Variants in MAPK11 observed in about 807,000 individuals in gnomAD.
MAPK11 encodes the protein MAP kinase 11.
A neutral mutation model predicts 52.2 loss-of-function variants in MAPK11; 44 were observed. The ratio of observed to expected loss-of-function variants is 0.84; its 90% CI spans 0.66 to 1.08. The LOEUF is 1.08. Among genes scored for constraint, MAPK11 ranks in the 50% least tolerant of loss-of-function variants. The pLI is 0.00. For missense variants in MAPK11, 436 were observed against 494.7 expected, an observed-to-expected ratio of 0.88 and a Z score of 1.13; for synonymous variants, 233 against 206.3, an observed-to-expected ratio of 1.13 and a Z score of -1.11.
rs199882554 is a variant in MAPK11 at position 50,264,535 on chromosome 22, G to A, written c.*413C>T. 15 of 168,856 alleles carry A rather than the reference G, an allele frequency of 8.9e-5. No individual in the cohort carries two copies. Among genetic ancestry groups the A allele is most frequent in the Non-Finnish European group, 1.6e-4 (12 of 77,396 alleles). The allele number at this position is 168,856 out of a possible 1,614,324, so 10.5% of individuals were successfully genotyped here. A position where few individuals can be genotyped will look rare whatever the true frequency, so the allele number is the denominator to read the frequency against. On this transcript the variant is annotated 3_prime_UTR_variant, in exon 12 of 12. Transcript: ENST00000330651. The stretch of plus-strand genomic sequence containing the variant: ...TGAGACCTCTCCCTTTGAGTCTCCC[G>A]GGGTCCCGGCCCCAGCGCGTCCTCC...
intron 7 of MAPK11, 80 bp downstream of exon 7, chr22:50,266,854 C>T (rs774880540): frequency 2.2e-6 from 3 of 1,390,388 alleles, no homozygotes; most frequent in Non-Finnish European, 3.0e-6. Flanking sequence ...TTGCCTGCCC[C>T]CTAAGACCTG....
chr22:50,267,302 TGTG>T lies in MAPK11; in HGVS notation c.418-19_418-17del, dbSNP rs2065271170. 2 of 1,597,100 alleles carry T rather than the reference TGTG, an allele frequency of 1.3e-6. No individual in the cohort carries two copies. Among genetic ancestry groups the T allele is most frequent in the African/African-American group, 1.3e-5 (1 of 74,928 alleles). On this transcript the variant is annotated splice_polypyrimidine_tract_variant and intron_variant, in intron 4 of 11. Coordinates refer to ENST00000330651, the MANE Select transcript of MAPK11 (RefSeq NM_002751.7). ...AGTGGATGTACTGCGGGAGGGGGATTGTGGTGAGCGCCGGGCCCGGCCCGCCCG... is the reference window on the plus strand; with the variant it reads ...AGTGGATGTACTGCGGGAGGGGGATTGTGAGCGCCGGGCCCGGCCCGCCCG...
Position 50,265,315 on chromosome 22 carries a change from G to T in MAPK11, c.1015+6C>A, listed in dbSNP as rs776023647. 1.9e-6 allele frequency: 3 copies of T among 1,612,382 alleles called. No individual in the cohort carries two copies. The South Asian group carries it at 3.3e-5, about 18-fold the overall frequency. The stretch of plus-strand genomic sequence containing the variant: ...TGGACCCACCCCCAGCCACTGCCAT[G>T]CTCACCCTTCCACTCCTCCAGCGTG... On this transcript the variant is annotated splice_donor_region_variant and intron_variant, in intron 11 of 11. Coordinates refer to ENST00000330651, the MANE Select transcript of MAPK11 (RefSeq NM_002751.7).
In MAPK11 at chr22:50,270,055, G is replaced by A. The variant is rs1470429871; in HGVS notation, c.116+122C>T. The A allele has an allele frequency of 2.8e-6, 1 of 353,720 alleles. No individual in the cohort carries two copies. The allele number at this position is 353,720 out of a possible 1,614,324, so 21.9% of individuals were successfully genotyped here. On this transcript the variant is annotated intron_variant, in intron 1 of 11. Coordinates refer to ENST00000330651, the MANE Select transcript of MAPK11 (RefSeq NM_002751.7). The surrounding 1 kb of genome is among the most constrained non-coding windows in gnomAD (Gnocchi z 6.3). ...CATTCATTCCTCAGATCCGCTTGGCGCCCGGGGGCGGAGGCAGGGCGAGGC... is the reference window on the plus strand; with the variant it reads ...CATTCATTCCTCAGATCCGCTTGGCACCCGGGGGCGGAGGCAGGGCGAGGC...
At chr22:50,269,899 G>T (rs999532265) in intron 1 of MAPK11, among the ~76,000 whole-genome samples, 1 of 152,002 alleles carries the variant, frequency 6.6e-6, no homozygotes, top group African/African-American at 2.4e-5. Context: ...CCACCCTCAC[G>T]CCAGCTGTGA....
chr22:50,265,438 C>A lies in MAPK11; in HGVS notation c.898G>T (p.Ala300Ser). ...AAGTAGGCGTGGGCCAGTGCCTCAG[C>A]TGCACTGACCCTCTGGTCACTGTCC... ...VLDSDQRVSA[A>S]EALAHAYFSQ... The change falls in exon 11 of 12, where the codon GCT becomes TCT. Residue 300 changes from alanine to serine, a missense_variant. Ala to Ser is a moderately conservative substitution (Grantham distance 99, BLOSUM62 1). Transcript: ENST00000330651. 1 of 1,613,152 alleles carries A rather than the reference C, an allele frequency of 6.2e-7. No individual in the cohort carries two copies. Among genetic ancestry groups the A allele is most frequent in the Non-Finnish European group, 8.5e-7 (1 of 1,179,984 alleles).
At chr22:50,265,740 C>T (rs569535562) in intron 9 of MAPK11, 80 bp from the exon 10 acceptor site, 32 of 868,160 alleles carry the variant, frequency 3.7e-5, no homozygotes, top group Non-Finnish European at 5.6e-5. Context: ...TCTTGGCAAG[C>T]CCCCAGACTC....
Position 50,270,136 on chromosome 22 carries a change from G to T in MAPK11, c.116+41C>A. 1 of 1,110,536 alleles carries T rather than the reference G, an allele frequency of 9.0e-7. No homozygotes were observed. The highest frequency in any genetic ancestry group is 2.1e-5 in the South Asian group (1 of 48,374). The allele number at this position is 1,110,536 out of a possible 1,614,324, so 68.8% of individuals were successfully genotyped here. ...GAGGAGGGGACGCGCTCTCCGGCCCGGCCCGGCCCCCACCCAGCACCCCTT... is the reference window on the plus strand; with the variant it reads ...GAGGAGGGGACGCGCTCTCCGGCCCTGCCCGGCCCCCACCCAGCACCCCTT... On this transcript the variant is annotated intron_variant, in intron 1 of 11. Transcript: ENST00000330651. This position sits in a 1 kb window ranked among gnomAD's most constrained non-coding sequence, Gnocchi z 6.3.
In MAPK11 at chr22:50,264,177, C is replaced by G. The variant is rs1054903114; in HGVS notation, c.*771G>C. 6.6e-6 allele frequency: 1 copy of G among 152,186 alleles called. No homozygotes were observed. Among genetic ancestry groups the G allele is most frequent in the African/African-American group, 2.4e-5 (1 of 41,404 alleles). 9.4% of individuals were successfully genotyped at this position (152,186 alleles called of 1,614,324 possible). On this transcript the variant is annotated 3_prime_UTR_variant, in exon 12 of 12. Coordinates refer to ENST00000330651, the MANE Select transcript of MAPK11 (RefSeq NM_002751.7). ...CGCCAGTCTGAAACACCCCTCAAGG[C>G]ATCAGGAACCGAGGAGAGGGAAGGC...
chr22:50,266,560 G>A lies in MAPK11; in HGVS notation c.662C>T (p.Ala221Val). Reference sequence around the variant, plus strand: ...GATACAGTCGCTTCCCGGGAAGAGGGCCTTGCCCTGGAGCAGCTCAGCCAT... The same window carrying A: ...GATACAGTCGCTTCCCGGGAAGAGGACCTTGCCCTGGAGCAGCTCAGCCAT... ...CIMAELLQGKALFPGSDYIDQ... is the reference protein window; with the variant it reads ...CIMAELLQGKVLFPGSDYIDQ... The change falls in exon 8 of 12, where the codon GCC (alanine) becomes GTC (valine). Residue 221 changes from alanine (A) to valine (V), a missense_variant. Ala to Val is a moderately conservative substitution (Grantham distance 64, BLOSUM62 0). Transcript: ENST00000330651. 2.0e-6 allele frequency: 3 copies of A among 1,519,600 alleles called. No homozygotes were observed. The highest frequency in any genetic ancestry group is 2.6e-6 in the Non-Finnish European group (3 of 1,135,416). 94.1% of individuals were successfully genotyped at this position (1,519,600 alleles called of 1,614,324 possible).
chr22:50,267,097 G>A (rs2065269296), intron 6 of MAPK11, 30 bp downstream of exon 6: 2 of 1,610,816 alleles, frequency 1.2e-6, no homozygotes, highest in Middle Eastern at 1.6e-4. Context: ...CTCCGCCGCC[G>A]CCCTGCCCAC....
Position 50,264,749 on chromosome 22 carries a change from C to T in MAPK11, c.*199G>A. ...GCCCAGGGACACTTGTGCCCAGACT[C>T]CTACACATGGCAAGCACATGTACAC... is the stretch of plus-strand genomic sequence containing the variant. On this transcript the variant is annotated 3_prime_UTR_variant, in exon 12 of 12. Transcript: ENST00000330651. The T allele has an allele frequency of 1.8e-6, 1 of 554,970 alleles. No individual in the cohort carries two copies. The highest frequency in any genetic ancestry group is 2.1e-5 in the South Asian group (1 of 48,246). 34.4% of individuals were successfully genotyped at this position (554,970 alleles called of 1,614,324 possible).
Position 50,270,117 on chromosome 22 carries a change from G to C in MAPK11, c.116+60C>G. On this transcript the variant is annotated intron_variant, in intron 1 of 11. Coordinates refer to ENST00000330651, the MANE Select transcript of MAPK11 (RefSeq NM_002751.7). This position sits in a 1 kb window ranked among gnomAD's most constrained non-coding sequence, Gnocchi z 6.3. ...CCGAGAACCTCGCGCGGGCGAGGAG[G>C]GGACGCGCTCTCCGGCCCGGCCCGG... 1.1e-6 allele frequency: 1 copy of C among 899,844 alleles called. No individual in the cohort carries two copies. Among genetic ancestry groups the C allele is most frequent in the Non-Finnish European group, 1.5e-6 (1 of 661,304 alleles). The allele number at this position is 899,844 out of a possible 1,614,324, so 55.7% of individuals were successfully genotyped here. A position where few individuals can be genotyped will look rare whatever the true frequency, so the allele number is the denominator to read the frequency against.
rs771186644 is a variant in MAPK11 at position 50,267,243 on chromosome 22, G to A, written c.447+14C>T. ...CCCTGCTGGACCCGACCCTCACCCT[G>A]CGGTCGCACCTACCCGGTGGATGAT... On this transcript the variant is annotated intron_variant, in intron 5 of 11. Transcript: ENST00000330651. The A allele has an allele frequency of 1.2e-6, 2 of 1,607,904 alleles. No homozygotes were observed. The highest frequency in any genetic ancestry group is 2.2e-5 in the East Asian group (1 of 44,720).
chr22:50,264,813 GAA>G lies in MAPK11; in HGVS notation c.*133_*134del. 1.6e-6 allele frequency: 1 copy of G among 633,372 alleles called. No homozygotes were observed. The highest frequency in any genetic ancestry group is 2.0e-5 in the South Asian group (1 of 50,436). The allele number at this position is 633,372 out of a possible 1,614,324, so 39.2% of individuals were successfully genotyped here. On this transcript the variant is annotated 3_prime_UTR_variant, in exon 12 of 12. Transcript: ENST00000330651. ...TGCATACATGCGTGTAGATTCTCCTGAAGGCGAGGGGTCCTAGGCCAGAAGTC... is the reference window on the plus strand; with the variant it reads ...TGCATACATGCGTGTAGATTCTCCTGGGCGAGGGGTCCTAGGCCAGAAGTC...
Position 50,267,801 on chromosome 22 carries a change from C to A in MAPK11, c.246+19G>T. The A allele has an allele frequency of 6.6e-7, 1 of 1,521,668 alleles. No individual in the cohort carries two copies. The highest frequency in any genetic ancestry group is 2.7e-5 in the East Asian group (1 of 37,024). 94.3% of individuals were successfully genotyped at this position (1,521,668 alleles called of 1,614,324 possible). On this transcript the variant is annotated intron_variant, in intron 2 of 11. Transcript: ENST00000330651. Reference sequence around the variant, plus strand: ...CGCCCCCGCACGCGCCCTCCCCCCACGGCCCTCCCCCGGCTCACGTTCTCG... The same window carrying A: ...CGCCCCCGCACGCGCCCTCCCCCCAAGGCCCTCCCCCGGCTCACGTTCTCG...
rs557350792 is a variant in MAPK11, at chr22:50,268,839, C to T, written c.117-890G>A. Among the ~76,000 whole-genome samples the T allele has an allele frequency of 1.4e-4, 22 of 152,284 alleles. No individual in the cohort carries two copies. The South Asian group carries it at 2.3e-3, about 16-fold the overall frequency. ...CTGCTGGGTCTGGGATGCTCATGGG[C>T]GCAGGTCGAGGTGCCTGGGGCAGCC... On this transcript the variant is annotated intron_variant, in intron 1 of 11. Transcript: ENST00000330651.
intron 8 of MAPK11, 28 bp downstream of exon 8, chr22:50,266,512 C>G (rs1462775963): frequency 6.6e-7 from 1 of 1,513,520 alleles, no homozygotes; most frequent in Non-Finnish European, 8.8e-7. Flanking sequence ...CCTGTTTGAC[C>G]CTGCTCCCCA....
intron 10 of MAPK11, 44 bp from the exon 11 acceptor site, chr22:50,265,538 C>G (rs915983626): frequency 6.2e-7 from 1 of 1,612,754 alleles, no homozygotes; most frequent in Admixed American, 1.7e-5. Context: ...GCTGTACATC[C>G]AGGGCCAGAT....
Sources: allele counts gnomAD v4.1 joint callset (sites outside exome capture counted in the v4.1 genomes callset), GRCh38; gene constraint gnomAD v4.1.1; non-coding constraint Gnocchi (gnomAD v3.1); transcripts MANE v1.5; gene names NCBI Gene and HGNC (gene_info 2026-07-23, HGNC 2026-07-21).